Variants in ERI1 observed in about 807,000 individuals in gnomAD.
ERI1 encodes the protein exoribonuclease 1.
A neutral mutation model predicts 39.7 loss-of-function variants in ERI1; 39 were observed. That is an observed-to-expected ratio of 0.98 (90% CI 0.76 to 1.28). ERI1 has a LOEUF of 1.28. ERI1 is among the 50% of genes most tolerant of loss of function. The pLI, the probability that ERI1 is intolerant of heterozygous loss-of-function variation, is 0.00. For synonymous variants in ERI1, 204 were observed against 149.6 expected, an observed-to-expected ratio of 1.36 and a Z score of -2.65; for missense variants, 581 against 416.9, an observed-to-expected ratio of 1.39 and a Z score of -3.43.
chr8:9,053,176 C>A (rs530148400), intron 3 of ERI1, among the ~76,000 whole-genome samples: 22 of 152,280 alleles, frequency 1.4e-4, no homozygotes, highest in African/African-American at 4.8e-4. Flanking sequence ...ACTACCACAC[C>A]TGGCTAATTT....
intron 3 of ERI1, among the ~76,000 whole-genome samples, chr8:9,051,403 T>C (rs1199560772): frequency 6.6e-6 from 1 of 152,012 alleles, no homozygotes; most frequent in Non-Finnish European, 1.5e-5. Context: ...ATGCCTGTAA[T>C]CTCAGCATTT....
chr8:9,018,209 C>A (rs1271697862), intron 4 of ERI1, 88 bp from the exon 5 acceptor site: 2 of 654,630 alleles, frequency 3.1e-6, no homozygotes, highest in Non-Finnish European at 5.4e-6. Flanking sequence ...CATACTGTTT[C>A]TTCCCCTCCA....
intron 2 of ERI1, among the ~76,000 whole-genome samples, chr8:9,010,385 T>G (rs1302369435): frequency 6.6e-6 from 1 of 152,210 alleles, no homozygotes; most frequent in Non-Finnish European, 1.5e-5. Context: ...TCACAGTGCC[T>G]TAATATGAAA....
At chr8:9,058,037 A>G (rs924777758) in intron 3 of ERI1, among the ~76,000 whole-genome samples, 1 of 152,198 alleles carries the variant, frequency 6.6e-6, no homozygotes, top group Non-Finnish European at 1.5e-5. Context: ...AGGACCAGAA[A>G]GTTTTCAGCC....
At chr8:9,083,992 A>T (rs1220142519) in intron 3 of ERI1, among the ~76,000 whole-genome samples, 5 of 152,072 alleles carry the variant, frequency 3.3e-5, no homozygotes, top group Admixed American at 6.6e-5. Flanking sequence ...ACGGGGTTTC[A>T]CCGTGTTAGC....
At chr8:9,023,953 C>T (rs111384798) in intron 6 of ERI1, among the ~76,000 whole-genome samples, 1 of 151,906 alleles carries the variant, frequency 6.6e-6, no homozygotes, top group African/African-American at 2.4e-5. Flanking sequence ...CATGTGCCAC[C>T]ACGTCTGGCT....
At chr8:9,015,806 C>G (rs1817206239) in intron 3 of ERI1, among the ~76,000 whole-genome samples, 1 of 150,230 alleles carries the variant, frequency 6.7e-6, no homozygotes, top group Non-Finnish European at 1.5e-5. Context: ...GTTAGCAACT[C>G]TTAAACTACC....
intron 3 of ERI1, among the ~76,000 whole-genome samples, chr8:9,065,901 C>T (rs1468857992): frequency 6.6e-6 from 1 of 152,110 alleles, no homozygotes; most frequent in Non-Finnish European, 1.5e-5. Context: ...GTGTCACCAG[C>T]AGGTGGCGCT....
rs531712996 is a variant in ERI1 at position 9,031,459 on chromosome 8, A to C, written c.*1425A>C. 1.4e-4 allele frequency: 22 copies of C among 152,324 alleles called. No homozygotes were observed. Among genetic ancestry groups the C allele is most frequent in the African/African-American group, 4.8e-4 (20 of 41,576 alleles). The allele number at this position is 152,324 out of a possible 1,614,324, so 9.4% of individuals were successfully genotyped here. A position where few individuals can be genotyped will look rare whatever the true frequency, so the allele number is the denominator to read the frequency against. The stretch of plus-strand genomic sequence containing the variant: ...ATGAACTGTTACAGATTATAGTAAA[A>C]TAAGGAAATCTAAGTGCTTTAAGTT... On this transcript the variant is annotated 3_prime_UTR_variant, in exon 7 of 7. Transcript: ENST00000250263.
intron 6 of ERI1, among the ~76,000 whole-genome samples, chr8:9,023,568 C>T (rs1347241094): frequency 6.6e-6 from 1 of 151,876 alleles, no homozygotes; most frequent in Non-Finnish European, 1.5e-5. Flanking sequence ...TTATTTTGGC[C>T]AGTTTGTTAG....
At chr8:9,045,017 C>T (rs1403798981) in intron 3 of ERI1, among the ~76,000 whole-genome samples, 1 of 152,006 alleles carries the variant, frequency 6.6e-6, no homozygotes, top group East Asian at 1.9e-4. Context: ...TCAGGCGGAT[C>T]ACGAGGTCAG....
intron 3 of ERI1, among the ~76,000 whole-genome samples, chr8:9,071,161 G>A (rs1261725213): frequency 2.0e-5 from 3 of 152,154 alleles, no homozygotes; most frequent in Non-Finnish European, 4.4e-5. Context: ...GCTGTCTAAC[G>A]CGGGGCATTA....
intron 3 of ERI1, among the ~76,000 whole-genome samples, chr8:9,093,842 G>C (rs113745039): frequency 0.035 from 5,390 of 152,252 alleles, 288 homozygotes; most frequent in African/African-American, 0.12. Flanking sequence ...CTCCCAAAGT[G>C]CTGGGATTAC....
At chr8:9,003,969 G>C (rs1283517235) in intron 1 of ERI1, 1 of 645,956 alleles carries the variant, frequency 1.5e-6, no homozygotes, top group South Asian at 1.5e-5. Flanking sequence ...ACATGAATTT[G>C]GCTTATTCCC....
intron 3 of ERI1, among the ~76,000 whole-genome samples, chr8:9,087,003 T>A (rs959165204): frequency 4.6e-5 from 7 of 152,098 alleles, no homozygotes; most frequent in African/African-American, 1.7e-4. Flanking sequence ...AACTTTGACC[T>A]CCTTCTCACC....
In ERI1 at chr8:9,030,079, G is replaced by T. The variant is rs1443316713; in HGVS notation, c.*45G>T. 6.2e-7 allele frequency: 1 copy of T among 1,603,226 alleles called. No individual in the cohort carries two copies. The highest frequency in any genetic ancestry group is 8.5e-7 in the Non-Finnish European group (1 of 1,171,938). On this transcript the variant is annotated 3_prime_UTR_variant, in exon 7 of 7. Transcript: ENST00000250263. Reference sequence around the variant, plus strand: ...TCATTCCAATTGAAGTTGCTATGAAGAGGTAGCAGATGAATCTCATTGAAT... The same window carrying T: ...TCATTCCAATTGAAGTTGCTATGAATAGGTAGCAGATGAATCTCATTGAAT...
At chr8:9,043,119 G>T (rs1321349274) in intron 3 of ERI1, among the ~76,000 whole-genome samples, 1 of 152,124 alleles carries the variant, frequency 6.6e-6, no homozygotes, top group African/African-American at 2.4e-5. Context: ...CTGTGGAAGG[G>T]GTACATAATT....
rs1406536672 is a variant in ERI1 at position 9,033,222 on chromosome 8, T to G, written c.*3188T>G. 1 of 152,242 alleles carries G rather than the reference T, an allele frequency of 6.6e-6. No homozygotes were observed. Among genetic ancestry groups the G allele is most frequent in the Non-Finnish European group, 1.5e-5 (1 of 68,046 alleles). The allele number at this position is 152,242 out of a possible 1,614,324, so 9.4% of individuals were successfully genotyped here. On this transcript the variant is annotated 3_prime_UTR_variant, in exon 7 of 7. Coordinates refer to ENST00000250263, the MANE Select transcript of ERI1 (RefSeq NM_153332.4). ...GCCAAATCTGGCTGCTGCCTATTTT[T>G]GTATGGCCTACAAACTATGGTTTTT...
intron 3 of ERI1, among the ~76,000 whole-genome samples, chr8:9,065,126 C>T (rs998128625): frequency 1.3e-5 from 2 of 152,052 alleles, no homozygotes; most frequent in Admixed American, 6.6e-5. Context: ...AGGCAGGAAC[C>T]GGCCATCTGG....
Sources: gnomAD v4.1 joint callset for allele counts (sites outside exome capture counted in the v4.1 genomes callset) on GRCh38, gnomAD v4.1.1 for gene constraint, MANE v1.5 for transcripts, NCBI Gene and HGNC (gene_info 2026-07-23, HGNC 2026-07-21) for gene names.